The following SLC66A2 variants were observed in gnomAD, a reference collection of about 807,000 sequenced individuals.
SLC66A2 encodes PQ loop repeat containing 1.
Under a neutral mutation model 25.5 loss-of-function variants are expected in SLC66A2, and 23 were observed. The ratio of observed to expected loss-of-function variants is 0.90; its 90% CI spans 0.65 to 1.28. The LOEUF is 1.28. Ranked by LOEUF, SLC66A2 falls within the 50% of genes most tolerant of loss-of-function variation. The pLI is 0.00. For missense variants in SLC66A2, 396 were observed against 373.1 expected, an observed-to-expected ratio of 1.06 and a Z score of -0.51; for synonymous variants, 193 against 166.5, an observed-to-expected ratio of 1.16 and a Z score of -1.23.
chr18:79,907,772 A>C (rs1982349994), intron 5 of SLC66A2, among the ~76,000 whole-genome samples: 1 of 151,866 alleles, frequency 6.6e-6, no homozygotes, highest in Non-Finnish European at 1.5e-5. Context: ...AGTTGTCACA[A>C]CTGGAGGAAC....
Position 79,927,823 on chromosome 18 carries a change from G to A in SLC66A2, c.391+6146C>T, listed in dbSNP as rs547868446. Among the ~76,000 whole-genome samples the A allele has an allele frequency of 4.6e-5, 7 of 152,284 alleles. No homozygotes were observed. Among genetic ancestry groups the A allele is most frequent in the African/African-American group, 9.6e-5 (4 of 41,572 alleles). Reference sequence around the variant, plus strand: ...AGCAACTGCCGAGACAGGTGTCCGCGTCCCAACCCAAGGCTGCCCAGACAG... The same window carrying A: ...AGCAACTGCCGAGACAGGTGTCCGCATCCCAACCCAAGGCTGCCCAGACAG... On this transcript the variant is annotated intron_variant, in intron 4 of 5. Transcript: ENST00000397778. This position sits in a 1 kb window ranked among gnomAD's most constrained non-coding sequence, Gnocchi z 6.2.
chr18:79,905,100 C>A (rs2123173274), intron 5 of SLC66A2, among the ~76,000 whole-genome samples: 1 of 152,342 alleles, frequency 6.6e-6, no homozygotes, highest in Non-Finnish European at 1.5e-5. Context: ...AGACAGCCGG[C>A]ATCTGCACCC....
intron 3 of SLC66A2, among the ~76,000 whole-genome samples, chr18:79,936,402 A>C (rs1019022297): frequency 6.6e-6 from 1 of 152,218 alleles, no homozygotes; most frequent in Non-Finnish European, 1.5e-5. Flanking sequence ...AATTATAACT[A>C]ACTCACCTGT....
In SLC66A2 at chr18:79,937,717, G is replaced by A. The variant is rs938787783; in HGVS notation, c.338-3695C>T. Among the ~76,000 whole-genome samples, 4 of 152,096 alleles carry A rather than the reference G, an allele frequency of 2.6e-5. 1 individual carries two copies. Among genetic ancestry groups the A allele is most frequent in the African/African-American group, 9.7e-5 (4 of 41,410 alleles). ...ACAAGAACCAAACCTGGATCCGATAGGGCCTCAGGGTCCGCTATCTTTTTA... is the reference window on the plus strand; with the variant it reads ...ACAAGAACCAAACCTGGATCCGATAAGGCCTCAGGGTCCGCTATCTTTTTA... On this transcript the variant is annotated intron_variant, in intron 3 of 5. Coordinates refer to ENST00000397778, the MANE Select transcript of SLC66A2 (RefSeq NM_025078.5). This position sits in a 1 kb window ranked among gnomAD's most constrained non-coding sequence, Gnocchi z 5.4.
At position 79,937,309 on chromosome 18, in the gene SLC66A2, A is replaced by G. The variant is rs34704161; in HGVS notation, c.338-3287T>C. Among the ~76,000 whole-genome samples the G allele has an allele frequency of 0.023, 3,572 of 152,192 alleles. 56 individuals carry two copies. The highest frequency in any genetic ancestry group is 0.039 in the African/African-American group (1,627 of 41,514). ...ATCCTGTGTAGAAGCGAGACCCCTC[A>G]TGCTGGGTCGAAAGGGCCCAGCAGC... On this transcript the variant is annotated intron_variant, in intron 3 of 5. Transcript: ENST00000397778. The surrounding 1 kb of genome is among the most constrained non-coding windows in gnomAD (Gnocchi z 5.4).
intron 5 of SLC66A2, among the ~76,000 whole-genome samples, chr18:79,909,778 TAG>T (rs1982721820): frequency 5.9e-5 from 2 of 34,078 alleles, no homozygotes; most frequent in South Asian, 1.1e-3. Flanking sequence ...ATCCTCACCA[TAG>T]AGTCCCCAAC....
chr18:79,903,768 C>T lies in SLC66A2; in HGVS notation c.*208G>A. 1 of 549,676 alleles carries T rather than the reference C, an allele frequency of 1.8e-6. No homozygotes were observed. Among genetic ancestry groups the T allele is most frequent in the South Asian group, 2.5e-5 (1 of 39,368 alleles). 34.0% of individuals were successfully genotyped at this position (549,676 alleles called of 1,614,324 possible). On this transcript the variant is annotated 3_prime_UTR_variant, in exon 6 of 6. Coordinates refer to ENST00000397778, the MANE Select transcript of SLC66A2 (RefSeq NM_025078.5). ...CAAAACCCTCGGGGCCAGATCAACC[C>T]TGGCTGTCCCCGCTGAGCACAAACA... is the stretch of plus-strand genomic sequence containing the variant.
chr18:79,939,257 A>T (rs189782721), intron 3 of SLC66A2, among the ~76,000 whole-genome samples: 1 of 152,182 alleles, frequency 6.6e-6, no homozygotes, highest in African/African-American at 2.4e-5. Flanking sequence ...ACGTTTCCTC[A>T]TAAGTTATTT....
chr18:79,938,214 T>C (rs1987301174), intron 3 of SLC66A2, among the ~76,000 whole-genome samples: 1 of 151,324 alleles, frequency 6.6e-6, no homozygotes, highest in Non-Finnish European at 1.5e-5. Flanking sequence ...CAACTGTGGG[T>C]CCAATCACCC....
rs376116884 is a variant in SLC66A2, at chr18:79,902,722, G to T, written c.*1254C>A. The T allele has an allele frequency of 3.3e-5, 5 of 152,438 alleles. No individual in the cohort carries two copies. The South Asian group carries it at 6.2e-4, about 19-fold the overall frequency. 9.4% of individuals were successfully genotyped at this position (152,438 alleles called of 1,614,324 possible). ...CCTGCGGGAAGCGGCCCCTCCACCT[G>T]CGGAAGGGAAGACGATGCCTGTTGG... On this transcript the variant is annotated 3_prime_UTR_variant, in exon 6 of 6. Transcript: ENST00000397778.
Position 79,951,652 on chromosome 18 carries a change from C to A in SLC66A2, c.-171G>T. 6.6e-6 allele frequency: 1 copy of A among 151,804 alleles called. No individual in the cohort carries two copies. Among genetic ancestry groups the A allele is most frequent in the South Asian group, 1.9e-4 (1 of 5,392 alleles). 9.4% of individuals were successfully genotyped at this position (151,804 alleles called of 1,614,324 possible). A position where few individuals can be genotyped will look rare whatever the true frequency, so the allele number is the denominator to read the frequency against. On this transcript the variant is annotated 5_prime_UTR_variant, in exon 1 of 6. Coordinates refer to ENST00000397778, the MANE Select transcript of SLC66A2 (RefSeq NM_025078.5). ...GACCCGCGCGCGTCTCGGCGTCAGT[C>A]CGCTCAGGCGCCGGGAAACCCCGCC...
intron 3 of SLC66A2, 76 bp downstream of exon 3, chr18:79,943,253 A>G (rs1479476952): frequency 6.5e-7 from 1 of 1,550,302 alleles, no homozygotes; most frequent in African/African-American, 1.4e-5. Context: ...AGGACAGATT[A>G]GAGTGGCTTT....
At chr18:79,912,235 C>T (rs755650767) in intron 5 of SLC66A2, among the ~76,000 whole-genome samples, 4 of 137,990 alleles carry the variant, frequency 2.9e-5, no homozygotes, top group Non-Finnish European at 4.8e-5. Flanking sequence ...CACATCCAAC[C>T]GGCGATTCCA....
intron 2 of SLC66A2, among the ~76,000 whole-genome samples, chr18:79,944,846 CAGA>C (rs750015043): frequency 1.1e-4 from 17 of 151,184 alleles, no homozygotes; most frequent in East Asian, 2.0e-4. Flanking sequence ...TAACACGAAG[CAGA>C]AGAAGGGGGA....
chr18:79,933,219 C>G (rs752661468), intron 4 of SLC66A2, among the ~76,000 whole-genome samples: 51 of 152,256 alleles, frequency 3.3e-4, no homozygotes, highest in Middle Eastern at 6.8e-3. Context: ...TCAACAGACA[C>G]GAAAAGCATT....
At chr18:79,912,341 T>G (rs1250323603) in intron 5 of SLC66A2, among the ~76,000 whole-genome samples, 3 of 152,130 alleles carry the variant, frequency 2.0e-5, no homozygotes, top group African/African-American at 7.2e-5. Flanking sequence ...CAAATGTCCC[T>G]CAGCTGAAGA....
Position 79,903,984 on chromosome 18 carries a change from C to T in SLC66A2, c.808G>A (p.Ala270Thr). The T allele has an allele frequency of 1.2e-6, 2 of 1,601,758 alleles. No individual in the cohort carries two copies. Among genetic ancestry groups the T allele is most frequent in the African/African-American group, 2.7e-5 (2 of 74,734 alleles). Residue 270 changes from alanine (A) to threonine (T), a missense_variant, in exon 6 of 6, where the codon GCC (alanine) becomes ACC (threonine). Transcript: ENST00000397778. ...PHAVHPTGTKAL is the reference protein window; with the variant it reads ...PHAVHPTGTKTL ...CCTCGTCCTCCCCACTGTCAGAGGGCCTTGGTGCCAGTGGGGTGCACGGCG... is the reference window on the plus strand; with the variant it reads ...CCTCGTCCTCCCCACTGTCAGAGGGTCTTGGTGCCAGTGGGGTGCACGGCG...
chr18:79,907,421 A>C (rs1037390665), intron 5 of SLC66A2, among the ~76,000 whole-genome samples: 5 of 134,846 alleles, frequency 3.7e-5, no homozygotes, highest in Non-Finnish European at 1.5e-5. Flanking sequence ...GCGCGATCTC[A>C]GCTCACTGCA....
intron 5 of SLC66A2, among the ~76,000 whole-genome samples, chr18:79,912,797 C>A (rs1465668782): frequency 1.3e-5 from 2 of 152,152 alleles, no homozygotes; most frequent in Non-Finnish European, 2.9e-5. Flanking sequence ...TCCGCTGAAC[C>A]CTCCTGTCAC....
Sources: gnomAD v4.1 joint callset for allele counts (sites outside exome capture counted in the v4.1 genomes callset) on GRCh38, gnomAD v4.1.1 for gene constraint, Gnocchi (gnomAD v3.1) non-coding constraint, MANE v1.5 for transcripts, NCBI Gene and HGNC (gene_info 2026-07-23, HGNC 2026-07-21) for gene names.